GPR158: variants seen among roughly 807,000 people sequenced by gnomAD.
GPR158 encodes metabotropic glycine receptor.
A neutral mutation model predicts 78.2 loss-of-function variants in GPR158; 30 were observed. That is an observed-to-expected ratio of 0.38 (90% CI 0.29 to 0.52). The LOEUF is 0.52. Ranked by LOEUF, GPR158 falls within the 20% of genes least tolerant of loss-of-function variation. GPR158 has a pLI of 0.83. For missense variants in GPR158, 1,463 were observed against 1,523.5 expected, an observed-to-expected ratio of 0.96 and a Z score of 0.66; for synonymous variants, 581 against 591.1, an observed-to-expected ratio of 0.98 and a Z score of 0.25.
chr10:25,295,813 G>A (rs1288568365), intron 2 of GPR158, among the ~76,000 whole-genome samples: 2 of 152,104 alleles, frequency 1.3e-5, no homozygotes, highest in East Asian at 3.9e-4. Context: ...ATCTCCAGAC[G>A]GAGAACATTC....
intron 5 of GPR158, among the ~76,000 whole-genome samples, chr10:25,493,800 A>G (rs958856917): frequency 2.6e-5 from 4 of 152,252 alleles, no homozygotes; most frequent in African/African-American, 9.6e-5. Flanking sequence ...ATATTTTGTG[A>G]CAGCTTAGTC....
intron 2 of GPR158, among the ~76,000 whole-genome samples, chr10:25,293,091 G>C (rs113668807): frequency 6.6e-6 from 1 of 152,156 alleles, no homozygotes; most frequent in Non-Finnish European, 1.5e-5. Context: ...CAAGTACATT[G>C]ATCTCTAAAT....
chr10:25,269,619 G>A (rs903122831), intron 2 of GPR158, among the ~76,000 whole-genome samples: 8 of 152,084 alleles, frequency 5.3e-5, no homozygotes, highest in Non-Finnish European at 8.8e-5. Context: ...AGCAACTTTC[G>A]CTAACATTAT....
chr10:25,219,654 A>G (rs1037837898), intron 1 of GPR158, among the ~76,000 whole-genome samples: 4 of 152,200 alleles, frequency 2.6e-5, no homozygotes, highest in African/African-American at 9.7e-5. Context: ...GCACTAGGTA[A>G]TGTAGTACTT....
intron 5 of GPR158, among the ~76,000 whole-genome samples, chr10:25,527,950 A>C (rs911819259): frequency 6.6e-6 from 1 of 152,146 alleles, no homozygotes; most frequent in Admixed American, 6.5e-5. Context: ...GATGAAATGG[A>C]CAATCTTTTT....
chr10:25,247,934 A>G lies in GPR158; in HGVS notation c.1008+26777A>G, dbSNP rs1298649288. Among the ~76,000 whole-genome samples, 22 of 149,534 alleles carry G rather than the reference A, an allele frequency of 1.5e-4. No individual in the cohort carries two copies. The South Asian group carries it at 4.5e-3, about 31-fold the overall frequency. On this transcript the variant is annotated intron_variant, in intron 2 of 10. Coordinates refer to ENST00000376351, the MANE Select transcript of GPR158 (RefSeq NM_020752.3). ...TGAACTAGTTTACAGTCCCACCAACAATGTAAAAGTGTTCCTATTTCTCCA... is the reference window on the plus strand; with the variant it reads ...TGAACTAGTTTACAGTCCCACCAACGATGTAAAAGTGTTCCTATTTCTCCA...
chr10:25,184,915 G>T (rs1349319816), intron 1 of GPR158, among the ~76,000 whole-genome samples: 1 of 152,090 alleles, frequency 6.6e-6, no homozygotes, highest in Non-Finnish European at 1.5e-5. Context: ...GCCTCAGACC[G>T]CTATGCTGAA....
At chr10:25,350,709 G>A (rs571857133) in intron 2 of GPR158, among the ~76,000 whole-genome samples, 38 of 152,034 alleles carry the variant, frequency 2.5e-4, no homozygotes, top group African/African-American at 8.7e-4. Context: ...TGGTTGCCTT[G>A]GAGACAGGAC....
At chr10:25,280,707 T>TTATGTATG (rs34530811) in intron 2 of GPR158, among the ~76,000 whole-genome samples, 8,230 of 151,464 alleles carry the variant, frequency 0.054, 245 homozygotes, top group African/African-American at 0.068. Context: ...TCAACACATT[T>TTATGTATG]TATGTATGTA....
chr10:25,387,163 G>GT (rs928430852), intron 2 of GPR158, among the ~76,000 whole-genome samples: 3 of 152,112 alleles, frequency 2.0e-5, no homozygotes, highest in African/African-American at 7.2e-5. Context: ...TTTTTAGTAT[G>GT]TTGGGTGTTT....
At chr10:25,400,863 A>G (rs1196832745) in intron 3 of GPR158, among the ~76,000 whole-genome samples, 1 of 152,176 alleles carries the variant, frequency 6.6e-6, no homozygotes, top group East Asian at 1.9e-4. Context: ...AGAAATGACA[A>G]TCTCTACTTA....
At chr10:25,273,400 CTTTT>C (rs36068886) in intron 2 of GPR158, among the ~76,000 whole-genome samples, 4,516 of 122,024 alleles carry the variant, frequency 0.037, 229 homozygotes, top group African/African-American at 0.13. Flanking sequence ...ACATTGGCAT[CTTTT>C]TTTTTTTTTT....
At chr10:25,513,302 C>G (rs1023580560) in intron 5 of GPR158, among the ~76,000 whole-genome samples, 1 of 151,798 alleles carries the variant, frequency 6.6e-6, no homozygotes, top group Non-Finnish European at 1.5e-5. Context: ...TCCATCTCCT[C>G]TAGGTTTTCT....
Position 25,260,553 on chromosome 10 carries a change from TAAGA to T in GPR158, c.1008+39397_1008+39400del, listed in dbSNP as rs759871266. Among the ~76,000 whole-genome samples, 468 of 152,230 alleles carry T rather than the reference TAAGA, an allele frequency of 3.1e-3. 6 individuals carry two copies. In the South Asian group the frequency reaches 0.038, roughly 12 times the overall value. On this transcript the variant is annotated intron_variant, in intron 2 of 10. Transcript: ENST00000376351. ...TTCCAAAGAATCCAGAGTTCAGGGC[TAAGA>T]CTGACTTGTATTATTCTTTTGGTGG...
intron 2 of GPR158, among the ~76,000 whole-genome samples, chr10:25,393,109 G>A (rs1162208052): frequency 6.6e-6 from 1 of 152,040 alleles, no homozygotes; most frequent in Non-Finnish European, 1.5e-5. Context: ...ATTTTATTTG[G>A]CAATATGTAC....
intron 2 of GPR158, among the ~76,000 whole-genome samples, chr10:25,263,592 G>C (rs924289839): frequency 6.6e-6 from 1 of 152,136 alleles, no homozygotes; most frequent in African/African-American, 2.4e-5. Context: ...AAAATCTGCT[G>C]TGTGGTCATA....
chr10:25,499,340 A>G (rs1222441479), intron 5 of GPR158, among the ~76,000 whole-genome samples: 3 of 152,160 alleles, frequency 2.0e-5, no homozygotes, highest in Non-Finnish European at 4.4e-5. Context: ...ACCCTTTTGC[A>G]AAGTCTCCTG....
intron 1 of GPR158, 41 bp from the exon 2 acceptor site, chr10:25,221,011 G>T: frequency 9.5e-7 from 1 of 1,050,052 alleles, no homozygotes; most frequent in Non-Finnish European, 1.4e-6. Flanking sequence ...AATCATAAAT[G>T]TCCAGATTAA....
At chr10:25,426,204 C>T (rs902893296) in intron 4 of GPR158, among the ~76,000 whole-genome samples, 6 of 152,154 alleles carry the variant, frequency 3.9e-5, no homozygotes, top group African/African-American at 1.2e-4. Context: ...CTGGATTAAG[C>T]TTTGCCTTAA....
Sources: allele counts gnomAD v4.1 joint callset (sites outside exome capture counted in the v4.1 genomes callset), GRCh38; gene constraint gnomAD v4.1.1; transcripts MANE v1.5; gene names NCBI Gene and HGNC (gene_info 2026-07-23, HGNC 2026-07-21).